FSTL5: variants seen among roughly 807,000 people sequenced by gnomAD.
FSTL5 encodes the protein follistatin like 5, also known as follistatin-related protein 5.
FSTL5 carries 62 observed loss-of-function variants against 89.1 expected under a neutral mutation model. The observed-to-expected ratio is 0.70, with a 90% CI of 0.57 to 0.86. The LOEUF is 0.86. Among genes scored for constraint, FSTL5 ranks in the 40% least tolerant of loss-of-function variants. The pLI, the probability that FSTL5 is intolerant of heterozygous loss-of-function variation, is 0.00. For missense variants in FSTL5, 1,057 were observed against 1,001.6 expected (o/e 1.06, Z -0.75); for synonymous variants, 383 against 346.2 (o/e 1.11, Z -1.18).
chr4:162,149,509 T>G (rs1561046508), intron 1 of FSTL5, among the ~76,000 whole-genome samples: 1 of 151,888 alleles, frequency 6.6e-6, no homozygotes, highest in Non-Finnish European at 1.5e-5. Flanking sequence ...TGTGTGTTGT[T>G]GCATCTCTGT....
chr4:161,779,995 C>T (rs974754296), intron 4 of FSTL5, among the ~76,000 whole-genome samples: 6 of 147,928 alleles, frequency 4.1e-5, no homozygotes, highest in Non-Finnish European at 9.0e-5. Context: ...TTTCAAGAAA[C>T]AGAGTGTGAT....
At position 161,540,373 on chromosome 4, in the gene FSTL5, T is replaced by C. The variant is rs1232827526; in HGVS notation, c.1178-2073A>G. On this transcript the variant is annotated intron_variant, in intron 9 of 15. Coordinates refer to ENST00000306100, the MANE Select transcript of FSTL5 (RefSeq NM_020116.5). ...CCTCTACTTTTACTTCAAATCTTTA[T>C]ATACTTTGTTTGATGTTTCCCATCA... is the stretch of plus-strand genomic sequence containing the variant. 3.3e-5 allele frequency among the ~76,000 whole-genome samples: 5 copies of C among 152,196 alleles called. 1 individual carries two copies. The highest frequency in any genetic ancestry group is 1.3e-4 in the Admixed American group (2 of 15,260).
chr4:161,562,024 C>A (rs1732622933), intron 8 of FSTL5, among the ~76,000 whole-genome samples: 1 of 151,992 alleles, frequency 6.6e-6, no homozygotes, highest in South Asian at 2.1e-4. Context: ...GCCAGAATCT[C>A]AGGACACCCA....
chr4:161,468,478 T>C (rs1273985707), intron 13 of FSTL5, among the ~76,000 whole-genome samples: 1 of 152,154 alleles, frequency 6.6e-6, no homozygotes, highest in African/African-American at 2.4e-5. Context: ...GCTTTTTAGA[T>C]TGCTGCCCGC....
At position 161,437,565 on chromosome 4, in the gene FSTL5, C is replaced by CAAAAAAAAAAAAAAAAAA. The variant is rs56229701; in HGVS notation, c.1841+17438_1841+17439insTTTTTTTTTTTTTTTTTT. On this transcript the variant is annotated intron_variant, in intron 15 of 15. Coordinates refer to ENST00000306100, the MANE Select transcript of FSTL5 (RefSeq NM_020116.5). ...CTGGTGACAGAGTGAGACTCCGTCT[C>CAAAAAAAAAAAAAAAAAA]AAAAAAAAAAAAAAAAACGAGGTCA... is the stretch of plus-strand genomic sequence containing the variant. 5.6e-3 allele frequency among the ~76,000 whole-genome samples: 381 copies of CAAAAAAAAAAAAAAAAAA among 68,446 alleles called. 21 individuals carry two copies. Among genetic ancestry groups the CAAAAAAAAAAAAAAAAAA allele is most frequent in the Non-Finnish European group, 7.0e-3 (292 of 41,578 alleles). 44.9% of individuals were successfully genotyped at this position (68,446 alleles called of 152,430 possible).
At chr4:161,547,660 T>A (rs1169741263) in intron 8 of FSTL5, among the ~76,000 whole-genome samples, 1 of 151,940 alleles carries the variant, frequency 6.6e-6, no homozygotes, top group African/African-American at 2.4e-5. Flanking sequence ...TTCATCATAT[T>A]AACAGTTTAA....
At chr4:161,740,933 A>T (rs565256266) in intron 6 of FSTL5, among the ~76,000 whole-genome samples, 66 of 152,256 alleles carry the variant, frequency 4.3e-4, no homozygotes, top group Middle Eastern at 3.4e-3. Flanking sequence ...TGGTTCATAG[A>T]TGCTCCTTCT....
At chr4:161,620,992 GA>G (rs1213473627) in intron 7 of FSTL5, among the ~76,000 whole-genome samples, 1 of 151,814 alleles carries the variant, frequency 6.6e-6, no homozygotes, top group East Asian at 1.9e-4. Context: ...TAGAGGAAAA[GA>G]AAAAAGAAAC....
At chr4:161,428,738 C>T (rs965030555) in intron 15 of FSTL5, among the ~76,000 whole-genome samples, 5 of 152,146 alleles carry the variant, frequency 3.3e-5, no homozygotes, top group Non-Finnish European at 7.3e-5. Flanking sequence ...ACAGTACTCA[C>T]CATGGGCTCA....
intron 4 of FSTL5, among the ~76,000 whole-genome samples, chr4:161,909,128 G>A (rs1266334477): frequency 3.3e-5 from 5 of 152,112 alleles, no homozygotes; most frequent in Non-Finnish European, 7.4e-5. Context: ...CCAGCATTAA[G>A]AAGTTATCTC....
intron 6 of FSTL5, among the ~76,000 whole-genome samples, chr4:161,737,709 A>T (rs1010172330): frequency 8.9e-4 from 135 of 152,094 alleles, no homozygotes; most frequent in Middle Eastern, 3.4e-3. Flanking sequence ...AATCATTTCC[A>T]AACTGAGAAA....
chr4:162,123,668 G>T (rs780272191), intron 1 of FSTL5, among the ~76,000 whole-genome samples: 5 of 152,228 alleles, frequency 3.3e-5, no homozygotes, highest in African/African-American at 4.8e-5. Context: ...AAAGCTACTG[G>T]AACTATTTCA....
intron 8 of FSTL5, among the ~76,000 whole-genome samples, chr4:161,575,464 T>C (rs923922640): frequency 1.3e-5 from 2 of 152,104 alleles, no homozygotes; most frequent in African/African-American, 4.8e-5. Flanking sequence ...TTTTTTTCTT[T>C]TTTTTTGTGA....
intron 1 of FSTL5, among the ~76,000 whole-genome samples, chr4:162,160,003 A>G (rs1215417789): frequency 6.9e-6 from 1 of 145,038 alleles, no homozygotes; most frequent in Non-Finnish European, 1.5e-5. Context: ...TTATTATCTA[A>G]ATTATTTTGT....
At chr4:161,396,114 T>C (rs73859973) in intron 15 of FSTL5, among the ~76,000 whole-genome samples, 136 of 128,922 alleles carry the variant, frequency 1.1e-3, no homozygotes, top group African/African-American at 3.4e-3. Flanking sequence ...TATAGGATCA[T>C]TGATCATAAA....
intron 3 of FSTL5, among the ~76,000 whole-genome samples, chr4:161,929,763 C>A (rs964795809): frequency 1.3e-5 from 2 of 150,748 alleles, no homozygotes; most frequent in African/African-American, 2.4e-5. Context: ...GCCCAATACA[C>A]AAAATAATCA....
intron 6 of FSTL5, among the ~76,000 whole-genome samples, chr4:161,729,251 G>A (rs1427316214): frequency 1.3e-5 from 2 of 152,100 alleles, no homozygotes; most frequent in Non-Finnish European, 2.9e-5. Flanking sequence ...TTACGTTTAA[G>A]AAAGTTTTAG....
chr4:162,120,546 G>A (rs972510409), intron 1 of FSTL5, among the ~76,000 whole-genome samples: 11 of 151,974 alleles, frequency 7.2e-5, no homozygotes, highest in African/African-American at 2.7e-4. Flanking sequence ...AAGTAAATGA[G>A]AACAAGTGAA....
intron 4 of FSTL5, among the ~76,000 whole-genome samples, chr4:161,897,541 C>T (rs1369047675): frequency 1.5e-5 from 2 of 132,648 alleles, no homozygotes; most frequent in Non-Finnish European, 3.1e-5. Context: ...TGCCATTGCA[C>T]TCTAGCGTGG....
Sources: allele counts gnomAD v4.1 joint callset (sites outside exome capture counted in the v4.1 genomes callset), GRCh38; gene constraint gnomAD v4.1.1; transcripts MANE v1.5; gene names NCBI Gene and HGNC (gene_info 2026-07-23, HGNC 2026-07-21).